CWH43: variants seen among roughly 807,000 people sequenced by gnomAD.
CWH43 encodes the protein PGAP2-interacting protein.
In CWH43, 91 loss-of-function variants were observed where a neutral mutation model predicts 85.7. The ratio of observed to expected loss-of-function variants is 1.06; its 90% CI spans 0.90 to 1.26. CWH43 has a LOEUF of 1.26. CWH43 is among the 50% of genes most tolerant of loss of function. The pLI is 0.00. For synonymous variants in CWH43, 323 were observed against 293.6 expected, an observed-to-expected ratio of 1.10 and a Z score of -1.02; for missense variants, 869 against 839.2, an observed-to-expected ratio of 1.04 and a Z score of -0.44.
intron 14 of CWH43, among the ~76,000 whole-genome samples, chr4:49,045,666 A>G (rs1197166986): frequency 1.3e-5 from 2 of 152,186 alleles, no homozygotes; most frequent in African/African-American, 4.8e-5. Flanking sequence ...GTAAGTATGC[A>G]CTATGATGTC....
At chr4:49,000,067 C>A (rs571836849) in intron 6 of CWH43, among the ~76,000 whole-genome samples, 20 of 151,984 alleles carry the variant, frequency 1.3e-4, no homozygotes, top group Non-Finnish European at 2.5e-4. Flanking sequence ...AAAAAAAAAA[C>A]CACTTTATTA....
intron 15 of CWH43, among the ~76,000 whole-genome samples, chr4:49,056,543 A>G (rs1466531390): frequency 6.6e-6 from 1 of 151,924 alleles, no homozygotes; most frequent in Non-Finnish European, 1.5e-5. Context: ...AATTTTATTA[A>G]TTTGATTTTC....
chr4:48,989,701 G>A (rs1294539101), intron 2 of CWH43, among the ~76,000 whole-genome samples: 6 of 152,154 alleles, frequency 3.9e-5, no homozygotes, highest in Non-Finnish European at 5.9e-5. Flanking sequence ...TGAGATTATA[G>A]GTGTGAGCCA....
At chr4:49,028,122 C>CT (rs1199378074) in intron 9 of CWH43, among the ~76,000 whole-genome samples, 1 of 152,084 alleles carries the variant, frequency 6.6e-6, no homozygotes, top group African/African-American at 2.4e-5. Flanking sequence ...TCATGAATTC[C>CT]TTTTTATTGT....
intron 6 of CWH43, among the ~76,000 whole-genome samples, chr4:48,998,762 C>T (rs1782897679): frequency 6.6e-6 from 1 of 152,142 alleles, no homozygotes; most frequent in African/African-American, 2.4e-5. Flanking sequence ...TCCGCCTCCC[C>T]CTCCTCCTGT....
chr4:49,022,550 A>G (rs1355468924), intron 9 of CWH43, among the ~76,000 whole-genome samples: 1 of 152,156 alleles, frequency 6.6e-6, no homozygotes, highest in African/African-American at 2.4e-5. Flanking sequence ...TATTAGGGTG[A>G]TACTGGCTTC....
intron 9 of CWH43, among the ~76,000 whole-genome samples, chr4:49,026,620 A>G (rs1337592680): frequency 1.3e-5 from 2 of 152,228 alleles, no homozygotes; most frequent in East Asian, 3.9e-4. Flanking sequence ...CCCACTTACA[A>G]GTAAGAACAT....
chr4:49,061,652 T>C (rs1170834647), intron 15 of CWH43, among the ~76,000 whole-genome samples, 160 bp from the exon 16 acceptor site: 1 of 152,188 alleles, frequency 6.6e-6, no homozygotes, highest in East Asian at 1.9e-4. Context: ...GAAAGAGGAC[T>C]TTGGGGGTTA....
chr4:49,036,490 A>G (rs1393647166), intron 12 of CWH43, among the ~76,000 whole-genome samples: 1 of 152,116 alleles, frequency 6.6e-6, no homozygotes, highest in Non-Finnish European at 1.5e-5. Flanking sequence ...TTTTTATCCA[A>G]TTCAGTCCTG....
intron 12 of CWH43, among the ~76,000 whole-genome samples, chr4:49,037,590 A>G (rs1784299120): frequency 6.6e-6 from 1 of 150,922 alleles, no homozygotes; most frequent in East Asian, 1.9e-4. Flanking sequence ...AAAAGTGTTC[A>G]GTTGAAGGAG....
chr4:49,052,004 T>C (rs1297645536), intron 15 of CWH43, among the ~76,000 whole-genome samples: 1 of 152,214 alleles, frequency 6.6e-6, no homozygotes, highest in African/African-American at 2.4e-5. Flanking sequence ...GAACATATCG[T>C]ATACATTATT....
At position 48,988,478 on chromosome 4, in the gene CWH43, A is replaced by G. The variant is rs1157270359; in HGVS notation, c.45A>G (p.Gly15=). The change falls in exon 2 of 16, where the codon GGA becomes GGG. Residue 15 remains glycine (G), a splice_region_variant and synonymous_variant. Coordinates refer to ENST00000226432, the MANE Select transcript of CWH43 (RefSeq NM_025087.3). ...CTTTAACTTTTTTTTTTTTTGTAGGATGTGTTTCTTGGTCTCTCTACCATG... is the reference window on the plus strand; with the variant it reads ...CTTTAACTTTTTTTTTTTTTGTAGGGTGTGTTTCTTGGTCTCTCTACCATG... ...WREILLESLL[G]CVSWSLYHDL... 1.3e-6 allele frequency: 2 copies of G among 1,544,066 alleles called. No homozygotes were observed. Among genetic ancestry groups the G allele is most frequent in the African/African-American group, 1.4e-5 (1 of 70,304 alleles).
At chr4:49,059,808 A>G (rs1785086056) in intron 15 of CWH43, among the ~76,000 whole-genome samples, 1 of 151,698 alleles carries the variant, frequency 6.6e-6, no homozygotes, top group Admixed American at 6.6e-5. Context: ...CTGGACTTGA[A>G]GTCTGGGTCC....
Position 49,038,029 on chromosome 4 carries a change from T to C in CWH43, c.1659-7T>C. On this transcript the variant is annotated splice_region_variant and splice_polypyrimidine_tract_variant and intron_variant, in intron 12 of 15. Coordinates refer to ENST00000226432, the MANE Select transcript of CWH43 (RefSeq NM_025087.3). Reference sequence around the variant, plus strand: ...ACAATAAAGGGTCATATTTTTACATTTTTTAGAGATGACCTCGACAGGAAA... The same window carrying C: ...ACAATAAAGGGTCATATTTTTACATCTTTTAGAGATGACCTCGACAGGAAA... The C allele has an allele frequency of 6.3e-7, 1 of 1,591,222 alleles. No homozygotes were observed. Among genetic ancestry groups the C allele is most frequent in the South Asian group, 1.2e-5 (1 of 86,392 alleles).
chr4:49,020,882 C>T (rs1176964286), intron 9 of CWH43, among the ~76,000 whole-genome samples: 1 of 151,822 alleles, frequency 6.6e-6, no homozygotes, highest in Non-Finnish European at 1.5e-5. Context: ...TATTCATGTC[C>T]TTAGCTCACT....
chr4:49,004,868 C>CA (rs1783107105), intron 7 of CWH43, among the ~76,000 whole-genome samples: 1 of 151,924 alleles, frequency 6.6e-6, no homozygotes. Context: ...ATTCACATAC[C>CA]AAAATTATAA....
At chr4:48,993,556 T>C (rs541398484) in intron 4 of CWH43, among the ~76,000 whole-genome samples, 71 of 152,334 alleles carry the variant, frequency 4.7e-4, no homozygotes, top group Non-Finnish European at 9.0e-4. Flanking sequence ...CAATAGGCTC[T>C]CTCTGTTTCT....
intron 13 of CWH43, among the ~76,000 whole-genome samples, chr4:49,041,369 C>G (rs948253092): frequency 6.6e-6 from 1 of 152,154 alleles, no homozygotes; most frequent in South Asian, 2.1e-4. Flanking sequence ...ATTCTTCCTA[C>G]CCATGAGCAT....
Position 49,030,850 on chromosome 4 carries a change from G to A in CWH43, c.1398G>A (p.Glu466=), listed in dbSNP as rs1451811700. The A allele has an allele frequency of 6.3e-7, 1 of 1,586,110 alleles. No individual in the cohort carries two copies. The highest frequency in any genetic ancestry group is 8.5e-7 in the Non-Finnish European group (1 of 1,171,118). ...ETGADFITIL[E]SDASKPYMGN... ...GTGCAGATTTCATAACAATTTTGGAGAGTGATGCTTCTAAGCCCTATATGG... is the reference window on the plus strand; with the variant it reads ...GTGCAGATTTCATAACAATTTTGGAAAGTGATGCTTCTAAGCCCTATATGG... The change falls in exon 11 of 16, where the codon GAG becomes GAA. Residue 466 remains glutamate (E), a synonymous_variant. Transcript: ENST00000226432.
Sources: gnomAD v4.1 joint callset for allele counts (sites outside exome capture counted in the v4.1 genomes callset) on GRCh38, gnomAD v4.1.1 for gene constraint, MANE v1.5 for transcripts, NCBI Gene and HGNC (gene_info 2026-07-23, HGNC 2026-07-21) for gene names.